LPAR2: variants seen among roughly 807,000 people sequenced by gnomAD.
The protein encoded by LPAR2 is lysophosphatidic acid receptor 2, also known as G protein-coupled receptor.
LPAR2 carries 10 observed loss-of-function variants against 15.6 expected under a neutral mutation model. That is an observed-to-expected ratio of 0.64 (90% CI 0.39 to 1.09). The LOEUF (loss-of-function observed/expected upper bound fraction) is 1.09. LPAR2 is among the 50% of genes least tolerant of loss of function. The probability of loss-of-function intolerance (pLI) is 0.01; values close to 1 mark genes in which losing one functional copy is unlikely to be tolerated. For synonymous variants in LPAR2, 204 were observed against 207.4 expected, an observed-to-expected ratio of 0.98 and a Z score of 0.14; for missense variants, 413 against 484.6, an observed-to-expected ratio of 0.85 and a Z score of 1.39.
chr19:19,625,553 G>C (rs2061735393), intron 2 of LPAR2, among the ~76,000 whole-genome samples: 1 of 151,918 alleles, frequency 6.6e-6, no homozygotes, highest in African/African-American at 2.4e-5. Context: ...GGGAGGCCAA[G>C]GCGGGTGGAT....
intron 2 of LPAR2, among the ~76,000 whole-genome samples, chr19:19,624,807 G>A (rs1315318707): frequency 2.0e-4 from 26 of 128,556 alleles, no homozygotes; most frequent in Non-Finnish European, 3.9e-4. Context: ...GTGTGTGTGT[G>A]TGTGTGTGTG....
rs2061741871 is a variant in LPAR2 at position 19,626,678 on chromosome 19, G to T, written c.607C>A (p.Leu203Ile). The change falls in exon 2 of 3, where the codon CTC (leucine) becomes ATC (isoleucine). Residue 203 changes from leucine (L) to isoleucine (I), a missense_variant. Leu to Ile is a conservative substitution (Grantham distance 5). Coordinates refer to ENST00000407877, the MANE Select transcript of LPAR2 (RefSeq NM_004720.7). This position sits in a 1 kb window ranked among gnomAD's most constrained non-coding sequence, Gnocchi z 5.3. ...ATGCGGGTGTACACAGCCACCATGA[G>T]CAGGAAGACAAGCAGGCTCGACAGA... is the stretch of plus-strand genomic sequence containing the variant. 6.2e-7 allele frequency: 1 copy of T among 1,613,542 alleles called. No homozygotes were observed. The highest frequency in any genetic ancestry group is 1.7e-5 in the Admixed American group (1 of 60,010).
intron 2 of LPAR2, among the ~76,000 whole-genome samples, chr19:19,624,981 ATT>A (rs879531778): frequency 1.4e-5 from 2 of 143,054 alleles, no homozygotes; most frequent in African/African-American, 2.6e-5. Context: ...GCCCGGCTAT[ATT>A]TTTTTTTTTT....
At position 19,623,968 on chromosome 19, in the gene LPAR2, G is replaced by A. The variant is rs955556484; in HGVS notation, c.*288C>T. 6.0e-5 allele frequency: 27 copies of A among 449,642 alleles called. No individual in the cohort carries two copies. In the Admixed American group the frequency reaches 8.1e-4, roughly 14 times the overall value. The allele number at this position is 449,642 out of a possible 1,614,324, so 27.9% of individuals were successfully genotyped here. A position where few individuals can be genotyped will look rare whatever the true frequency, so the allele number is the denominator to read the frequency against. On this transcript the variant is annotated 3_prime_UTR_variant, in exon 3 of 3. Transcript: ENST00000407877. ...AGTCCACAGGGCTTACCAAGGATACGCAGTGAAAACAGAATAATGTCTGTT... is the reference window on the plus strand; with the variant it reads ...AGTCCACAGGGCTTACCAAGGATACACAGTGAAAACAGAATAATGTCTGTT...
At chr19:19,625,354 G>A (rs1162343103) in intron 2 of LPAR2, among the ~76,000 whole-genome samples, 4 of 152,150 alleles carry the variant, frequency 2.6e-5, no homozygotes, top group Non-Finnish European at 4.4e-5. Flanking sequence ...TGTAGTCCCA[G>A]CTACTCAGGA....
In LPAR2 at chr19:19,626,121, G is replaced by C. The variant is rs1452565933; in HGVS notation, c.742+422C>G. Among the ~76,000 whole-genome samples, 2 of 152,052 alleles carry C rather than the reference G, an allele frequency of 1.3e-5. No individual in the cohort carries two copies. Among genetic ancestry groups the C allele is most frequent in the Admixed American group, 1.3e-4 (2 of 15,252 alleles). Reference sequence around the variant, plus strand: ...TGGTCGTGAACTCCCAACCTCAGCTGATCTGCCCGCCTCGGCCTCCCAAAG... The same window carrying C: ...TGGTCGTGAACTCCCAACCTCAGCTCATCTGCCCGCCTCGGCCTCCCAAAG... On this transcript the variant is annotated intron_variant, in intron 2 of 2. Transcript: ENST00000407877. This position sits in a 1 kb window ranked among gnomAD's most constrained non-coding sequence, Gnocchi z 5.3.
rs764950119 is a variant in LPAR2 at position 19,626,955 on chromosome 19, C to A, written c.330G>T (p.Leu110Phe). The A allele has an allele frequency of 1.9e-6, 3 of 1,609,616 alleles. No individual in the cohort carries two copies. Among genetic ancestry groups the A allele is most frequent in the Admixed American group, 1.7e-5 (1 of 59,556 alleles). The change falls in exon 2 of 3, where the codon TTG (leucine) becomes TTT (phenylalanine). Residue 110 changes from leucine to phenylalanine, a missense_variant. Leu to Phe is a conservative substitution (Grantham distance 22, BLOSUM62 0). Coordinates refer to ENST00000407877, the MANE Select transcript of LPAR2 (RefSeq NM_004720.7). This position sits in a 1 kb window ranked among gnomAD's most constrained non-coding sequence, Gnocchi z 5.3. ...CCGACGCAGTGAGGCTTGTGTCCAG[C>A]AAGCCCTGCCGCAGGAACCAGCCCT...
At position 19,627,055 on chromosome 19, in the gene LPAR2, G is replaced by T; in HGVS notation, c.230C>A (p.Ala77Asp). 1 of 1,613,756 alleles carries T rather than the reference G, an allele frequency of 6.2e-7. No homozygotes were observed. The highest frequency in any genetic ancestry group is 8.5e-7 in the Non-Finnish European group (1 of 1,179,956). The change falls in exon 2 of 3, where the codon GCT becomes GAT. Residue 77 changes from alanine (A) to aspartate (D), a missense_variant. Ala to Asp is a moderately radical substitution (Grantham distance 126). Transcript: ENST00000407877. This position sits in a 1 kb window ranked among gnomAD's most constrained non-coding sequence, Gnocchi z 4.7. ...GTAGGCCACGCCCGCGAAGAGGTCA[G>T]CCGCGGCCAGATTGCCGAGCAGGTA...
chr19:19,624,148 G>C lies in LPAR2; in HGVS notation c.*108C>G, dbSNP rs1599391923. ...GTGGTGCTGTGCCATGCCAGACCTT[G>C]TCCTGCCAGTCAGTCAGTCCTGTTG... On this transcript the variant is annotated 3_prime_UTR_variant, in exon 3 of 3. Transcript: ENST00000407877. The C allele has an allele frequency of 8.6e-7, 1 of 1,161,566 alleles. No individual in the cohort carries two copies. Among genetic ancestry groups the C allele is most frequent in the Non-Finnish European group, 1.2e-6 (1 of 809,772 alleles). 72.0% of individuals were successfully genotyped at this position (1,161,566 alleles called of 1,614,324 possible).
In LPAR2 at chr19:19,627,649, G is replaced by T; in HGVS notation, c.1-365C>A. On this transcript the variant is annotated intron_variant, in intron 1 of 2. Transcript: ENST00000407877. This position sits in a 1 kb window ranked among gnomAD's most constrained non-coding sequence, Gnocchi z 4.7. ...AGAGGAGGGTTAGGGAAAGACAAAG[G>T]GGTGTGAGCTGCGGGAAGAGATGAG... 3.4e-6 allele frequency: 1 copy of T among 290,164 alleles called. No individual in the cohort carries two copies. 18.0% of individuals were successfully genotyped at this position (290,164 alleles called of 1,614,324 possible). A position where few individuals can be genotyped will look rare whatever the true frequency, so the allele number is the denominator to read the frequency against.
In LPAR2 at chr19:19,626,450, T is replaced by TA; in HGVS notation, c.742+92dup. The stretch of plus-strand genomic sequence containing the variant: ...ACCTAAATCATCCCCCATCACCCTC[T>TA]ATCAGGTAGCTTGTTTTGTTCATTG... On this transcript the variant is annotated intron_variant, in intron 2 of 2. Coordinates refer to ENST00000407877, the MANE Select transcript of LPAR2 (RefSeq NM_004720.7). The surrounding 1 kb of genome is among the most constrained non-coding windows in gnomAD (Gnocchi z 5.3). 1.4e-6 allele frequency: 2 copies of TA among 1,454,154 alleles called. No homozygotes were observed. The highest frequency in any genetic ancestry group is 1.9e-6 in the Non-Finnish European group (2 of 1,075,290). 90.1% of individuals were successfully genotyped at this position (1,454,154 alleles called of 1,614,324 possible). A position where few individuals can be genotyped will look rare whatever the true frequency, so the allele number is the denominator to read the frequency against.
rs1274838101 is a variant in LPAR2, at chr19:19,627,189, A to C, written c.96T>G (p.Asp32Glu). Residue 32 changes from aspartate (D) to glutamate (E), a missense_variant, in exon 2 of 3, where the codon GAT becomes GAG. Asp to Glu is a conservative substitution (Grantham distance 45). Coordinates refer to ENST00000407877, the MANE Select transcript of LPAR2 (RefSeq NM_004720.7). This position sits in a 1 kb window ranked among gnomAD's most constrained non-coding sequence, Gnocchi z 4.7. ...TCAGCCCCAGTGCCACCACGACCAC[A>C]TCCTTGGGCCGCCAGTGGGAGCTGA... The C allele has an allele frequency of 1.2e-6, 2 of 1,612,952 alleles. No individual in the cohort carries two copies. The highest frequency in any genetic ancestry group is 1.7e-6 in the Non-Finnish European group (2 of 1,180,004).
rs1324354730 is a variant in LPAR2 at position 19,627,043 on chromosome 19, G to A, written c.242C>T (p.Ala81Val). 1.2e-6 allele frequency: 2 copies of A among 1,613,812 alleles called. No homozygotes were observed. Among genetic ancestry groups the A allele is most frequent in the South Asian group, 1.1e-5 (1 of 91,070 alleles). Reference sequence around the variant, plus strand: ...CATGAGGAAGAGGTAGGCCACGCCCGCGAAGAGGTCAGCCGCGGCCAGATT... The same window carrying A: ...CATGAGGAAGAGGTAGGCCACGCCCACGAAGAGGTCAGCCGCGGCCAGATT... The change falls in exon 2 of 3, where the codon GCG (alanine) becomes GTG (valine). Residue 81 changes from alanine (A) to valine (V), a missense_variant. By Grantham distance (64) the Ala-to-Val change is moderately conservative. Coordinates refer to ENST00000407877, the MANE Select transcript of LPAR2 (RefSeq NM_004720.7). This position sits in a 1 kb window ranked among gnomAD's most constrained non-coding sequence, Gnocchi z 4.7.
At position 19,626,632 on chromosome 19, in the gene LPAR2, C is replaced by T; in HGVS notation, c.653G>A (p.Arg218Gln). The change falls in exon 2 of 3, where the codon CGA (arginine) becomes CAA (glutamine). Residue 218 changes from arginine (R) to glutamine (Q), a missense_variant. Physicochemically the swap from Arg to Gln is conservative, Grantham distance 43 (BLOSUM62 1). Transcript: ENST00000407877. This position sits in a 1 kb window ranked among gnomAD's most constrained non-coding sequence, Gnocchi z 5.3. Reference sequence around the variant, plus strand: ...GACATGCTCTGCCATGCGCTGCACTCGCCGCCGCACGTAGAAGAAAATGCG... The same window carrying T: ...GACATGCTCTGCCATGCGCTGCACTTGCCGCCGCACGTAGAAGAAAATGCG... 3 of 1,613,304 alleles carry T rather than the reference C, an allele frequency of 1.9e-6. No individual in the cohort carries two copies. The highest frequency in any genetic ancestry group is 2.5e-6 in the Non-Finnish European group (3 of 1,180,032).
intron 2 of LPAR2, among the ~76,000 whole-genome samples, chr19:19,625,432 T>C (rs2061734919): frequency 6.6e-6 from 1 of 151,770 alleles, no homozygotes; most frequent in Non-Finnish European, 1.5e-5. Context: ...GGAGCCATTG[T>C]AATCCAGCCT....
In LPAR2 at chr19:19,626,203, A is replaced by C. The variant is rs576799843; in HGVS notation, c.742+340T>G. ...CGGCTAGCACTGCTAAAAACTCTTAAGGGGTTCCCATGAAACTCAAAATAA... is the reference window on the plus strand; with the variant it reads ...CGGCTAGCACTGCTAAAAACTCTTACGGGGTTCCCATGAAACTCAAAATAA... On this transcript the variant is annotated intron_variant, in intron 2 of 2. Transcript: ENST00000407877. This position sits in a 1 kb window ranked among gnomAD's most constrained non-coding sequence, Gnocchi z 5.3. Among the ~76,000 whole-genome samples the C allele has an allele frequency of 2.0e-5, 3 of 152,270 alleles. No homozygotes were observed. The East Asian group carries it at 5.8e-4, about 29-fold the overall frequency.
Position 19,626,480 on chromosome 19 carries a change from G to A in LPAR2, c.742+63C>T, listed in dbSNP as rs1412071134. On this transcript the variant is annotated intron_variant, in intron 2 of 2. Transcript: ENST00000407877. This position sits in a 1 kb window ranked among gnomAD's most constrained non-coding sequence, Gnocchi z 5.3. ...GGTAGCTTGTTTTGTTCATTGCTTC[G>A]CAGTGTCTTGTGGGAGATAGGGGGA... 6.9e-5 allele frequency: 105 copies of A among 1,523,174 alleles called. No individual in the cohort carries two copies. Among genetic ancestry groups the A allele is most frequent in the Non-Finnish European group, 8.5e-5 (96 of 1,133,624 alleles). 94.4% of individuals were successfully genotyped at this position (1,523,174 alleles called of 1,614,324 possible). A position where few individuals can be genotyped will look rare whatever the true frequency, so the allele number is the denominator to read the frequency against.
Position 19,626,652 on chromosome 19 carries a change from A to C in LPAR2, c.633T>G (p.Ile211Met). 6.2e-7 allele frequency: 1 copy of C among 1,613,478 alleles called. No individual in the cohort carries two copies. Among genetic ancestry groups the C allele is most frequent in the Non-Finnish European group, 8.5e-7 (1 of 1,180,032 alleles). ...GCACTCGCCGCCGCACGTAGAAGAAAATGCGGGTGTACACAGCCACCATGA... is the reference window on the plus strand; with the variant it reads ...GCACTCGCCGCCGCACGTAGAAGAACATGCGGGTGTACACAGCCACCATGA... Residue 211 changes from isoleucine (I) to methionine (M), a missense_variant, in exon 2 of 3, where the codon ATT becomes ATG. Coordinates refer to ENST00000407877, the MANE Select transcript of LPAR2 (RefSeq NM_004720.7). This position sits in a 1 kb window ranked among gnomAD's most constrained non-coding sequence, Gnocchi z 5.3.
rs2061741279 is a variant in LPAR2, at chr19:19,626,626, T to C, written c.659A>G (p.Gln220Arg). The change falls in exon 2 of 3, where the codon CAG (glutamine) becomes CGG (arginine). Residue 220 changes from glutamine to arginine, a missense_variant. Coordinates refer to ENST00000407877, the MANE Select transcript of LPAR2 (RefSeq NM_004720.7). The surrounding 1 kb of genome is among the most constrained non-coding windows in gnomAD (Gnocchi z 5.3). ...GCAGCTGACATGCTCTGCCATGCGC[T>C]GCACTCGCCGCCGCACGTAGAAGAA... The C allele has an allele frequency of 6.2e-7, 1 of 1,613,198 alleles. No individual in the cohort carries two copies. Among genetic ancestry groups the C allele is most frequent in the African/African-American group, 1.3e-5 (1 of 74,918 alleles).
Sources: gnomAD v4.1 joint callset for allele counts (sites outside exome capture counted in the v4.1 genomes callset) on GRCh38, gnomAD v4.1.1 for gene constraint, Gnocchi (gnomAD v3.1) non-coding constraint, MANE v1.5 for transcripts, NCBI Gene and HGNC (gene_info 2026-07-23, HGNC 2026-07-21) for gene names.